Variants in CDC42BPA observed in about 807,000 individuals in gnomAD.
CDC42BPA encodes CDC42 binding protein kinase alpha.
CDC42BPA carries 80 observed loss-of-function variants against 223.5 expected under a neutral mutation model. The observed-to-expected ratio is 0.36, with a 90% CI of 0.30 to 0.43. CDC42BPA has a LOEUF of 0.43. Ranked by LOEUF, CDC42BPA falls within the 20% of genes least tolerant of loss-of-function variation. The pLI, the probability that CDC42BPA is intolerant of heterozygous loss-of-function variation, is 1.00. For missense variants in CDC42BPA, 1,743 were observed against 2,099.9 expected (o/e 0.83, Z 3.32); for synonymous variants, 694 against 718.6 (o/e 0.97, Z 0.55).
At chr1:227,198,732 T>C (rs1164426648) in intron 4 of CDC42BPA, among the ~76,000 whole-genome samples, 2 of 148,014 alleles carry the variant, frequency 1.4e-5, no homozygotes, top group Admixed American at 6.9e-5. Flanking sequence ...GTAAAGATGG[T>C]ACAGTCCATG....
intron 23 of CDC42BPA, 48 bp downstream of exon 23, chr1:227,047,879 A>G (rs1431527271): frequency 9.0e-7 from 1 of 1,115,002 alleles, no homozygotes; most frequent in African/African-American, 1.6e-5. Context: ...AGAGCAGATA[A>G]AATTCATTTT....
Position 227,143,051 on chromosome 1 carries a change from GAAAT to G in CDC42BPA, c.1144-31_1144-28del, listed in dbSNP as rs770987779. On this transcript the variant is annotated intron_variant, in intron 8 of 36. Coordinates refer to ENST00000366766, the MANE Select transcript of CDC42BPA (RefSeq NM_001394014.1). ...TAAAGGAGGAAAAAACATCTGGTAA[GAAAT>G]AGATAGCTATATGATCTGTAGGCTT... The G allele has an allele frequency of 2.5e-5, 36 of 1,421,518 alleles. No homozygotes were observed. The African/African-American group carries it at 4.2e-4, about 17-fold the overall frequency. The allele number at this position is 1,421,518 out of a possible 1,614,324, so 88.1% of individuals were successfully genotyped here.
chr1:227,023,464 T>C (rs1667735634), intron 31 of CDC42BPA, 117 bp from the exon 32 acceptor site: 1 of 510,228 alleles, frequency 2.0e-6, no homozygotes, highest in Non-Finnish European at 3.4e-6. Flanking sequence ...TACTTCAAAA[T>C]GCAGCCCTCT....
chr1:227,243,376 G>C (rs1017438236), intron 2 of CDC42BPA, among the ~76,000 whole-genome samples: 2 of 149,412 alleles, frequency 1.3e-5, no homozygotes, highest in Admixed American at 1.3e-4. Context: ...AAATTAATAA[G>C]TGGCACACAT....
At chr1:227,162,654 G>A (rs1664131115) in intron 5 of CDC42BPA, among the ~76,000 whole-genome samples, 1 of 152,024 alleles carries the variant, frequency 6.6e-6, no homozygotes, top group South Asian at 2.1e-4. Flanking sequence ...AACACAGTGA[G>A]ACCCCTTCTC....
chr1:227,221,323 A>T (rs1675859740), intron 2 of CDC42BPA, among the ~76,000 whole-genome samples: 1 of 152,176 alleles, frequency 6.6e-6, no homozygotes, highest in African/African-American at 2.4e-5. Context: ...ATATGCTGGC[A>T]ACTCCTAAAT....
intron 23 of CDC42BPA, among the ~76,000 whole-genome samples, chr1:227,041,041 C>A (rs1481275393): frequency 6.6e-6 from 1 of 151,990 alleles, no homozygotes; most frequent in Non-Finnish European, 1.5e-5. Context: ...TCCTTATCTA[C>A]AAAACAGGAT....
chr1:227,018,878 A>T (rs1258924732), intron 32 of CDC42BPA, among the ~76,000 whole-genome samples: 2 of 152,246 alleles, frequency 1.3e-5, no homozygotes, highest in Admixed American at 1.3e-4. Flanking sequence ...AATGCTAACA[A>T]TCATCTTCAC....
intron 24 of CDC42BPA, among the ~76,000 whole-genome samples, chr1:227,037,032 G>C (rs959851175): frequency 6.6e-6 from 1 of 152,198 alleles, no homozygotes; most frequent in Admixed American, 6.5e-5. Flanking sequence ...AGGGAAGAGA[G>C]TCTGAGAAGA....
rs751193044 is a variant in CDC42BPA at position 226,994,956 on chromosome 1, G to A, written c.5000C>T (p.Ala1667Val). The change falls in exon 36 of 37, where the codon GCA becomes GTA. Residue 1667 changes from alanine to valine, a missense_variant. Physicochemically the swap from Ala to Val is moderately conservative, Grantham distance 64. Transcript: ENST00000366766. This position sits in a 1 kb window ranked among gnomAD's most constrained non-coding sequence, Gnocchi z 4.0. ...TCCTCCAGAGAATTCCCTCTTTAAT[G>A]CGCTGCCATTCTGTGCGGATGACCC... ...SARSSAQNGS[A>V]LKREFSGGSY... 12 of 1,613,990 alleles carry A rather than the reference G, an allele frequency of 7.4e-6. No individual in the cohort carries two copies. The African/African-American group carries it at 1.6e-4, about 22-fold the overall frequency.
chr1:227,015,199 G>A (rs1665966148), intron 34 of CDC42BPA, among the ~76,000 whole-genome samples: 1 of 151,950 alleles, frequency 6.6e-6, no homozygotes, highest in African/African-American at 2.4e-5. Context: ...GGCCAAGGTG[G>A]GTGGACCGCA....
chr1:227,021,304 T>TA (rs1667334169), intron 32 of CDC42BPA, among the ~76,000 whole-genome samples: 1 of 152,106 alleles, frequency 6.6e-6, no homozygotes, highest in South Asian at 2.1e-4. Flanking sequence ...TGGAGCACGA[T>TA]AAAGTGGCAC....
intron 20 of CDC42BPA, among the ~76,000 whole-genome samples, 193 bp from the exon 21 acceptor site, chr1:227,070,046 A>C (rs1338613900): frequency 2.0e-5 from 3 of 151,898 alleles, no homozygotes; most frequent in Admixed American, 2.0e-4. Flanking sequence ...TAATAGTTCA[A>C]TTACATCAGT....
chr1:227,029,384 A>G, intron 29 of CDC42BPA, 134 bp from the exon 30 acceptor site: 1 of 625,964 alleles, frequency 1.6e-6, no homozygotes, highest in African/African-American at 1.8e-5. Context: ...ACAGGAAAAA[A>G]AGATTATCCA....
intron 17 of CDC42BPA, among the ~76,000 whole-genome samples, chr1:227,078,709 T>C (rs1337447896): frequency 1.3e-5 from 2 of 152,178 alleles, no homozygotes; most frequent in South Asian, 2.1e-4. Flanking sequence ...TTTTATATAC[T>C]GCAGTGTTTG....
chr1:227,051,147 T>C (rs965018082), intron 22 of CDC42BPA, among the ~76,000 whole-genome samples: 1 of 152,180 alleles, frequency 6.6e-6, no homozygotes, highest in Non-Finnish European at 1.5e-5. Context: ...CTCTTCAGAT[T>C]GGACTATCTG....
At chr1:227,134,937 T>C (rs987978861) in intron 10 of CDC42BPA, among the ~76,000 whole-genome samples, 1 of 152,244 alleles carries the variant, frequency 6.6e-6, no homozygotes, top group Non-Finnish European at 1.5e-5. Flanking sequence ...AAAAATTCAA[T>C]ACATAATTTG....
intron 10 of CDC42BPA, among the ~76,000 whole-genome samples, chr1:227,132,600 G>C (rs961234349): frequency 6.8e-6 from 1 of 147,816 alleles, no homozygotes; most frequent in Non-Finnish European, 1.5e-5. Flanking sequence ...CCATCGTCTG[G>C]GATGTGAGGA....
At chr1:226,999,865 C>T (rs1455139345) in intron 35 of CDC42BPA, among the ~76,000 whole-genome samples, 9 of 149,950 alleles carry the variant, frequency 6.0e-5, no homozygotes, top group Admixed American at 2.0e-4. Flanking sequence ...AACCAAACAC[C>T]GCATGTTCTC....
Sources: gnomAD v4.1 joint callset for allele counts (sites outside exome capture counted in the v4.1 genomes callset) on GRCh38, gnomAD v4.1.1 for gene constraint, Gnocchi (gnomAD v3.1) non-coding constraint, MANE v1.5 for transcripts, NCBI Gene and HGNC (gene_info 2026-07-23, HGNC 2026-07-21) for gene names.